MAP2K6: variants seen among roughly 807,000 people sequenced by gnomAD.
MAP2K6 encodes the protein mitogen-activated protein kinase kinase 6, also known as dual specificity mitogen-activated protein kinase kinase 6.
In MAP2K6, 16 loss-of-function variants were observed where a neutral mutation model predicts 53.7. The observed-to-expected ratio is 0.30, with a 90% CI of 0.20 to 0.45. The LOEUF is 0.45. Among genes scored for constraint, MAP2K6 ranks in the 20% least tolerant of loss-of-function variants. MAP2K6 has a pLI of 1.00. For synonymous variants in MAP2K6, 132 were observed against 143.1 expected (o/e 0.92, Z 0.55); for missense variants, 204 against 411.9 (o/e 0.50, Z 4.37).
chr17:69,430,751 A>G (rs1259254923), intron 1 of MAP2K6, among the ~76,000 whole-genome samples: 2 of 152,204 alleles, frequency 1.3e-5, no homozygotes, highest in African/African-American at 2.4e-5. Flanking sequence ...TTCGTTTAAG[A>G]CAGAAACCAG....
chr17:69,507,592 GA>G (rs148484158), intron 2 of MAP2K6, among the ~76,000 whole-genome samples: 4,531 of 151,910 alleles, frequency 0.03, 217 homozygotes, highest in African/African-American at 0.1. Flanking sequence ...CTCTTTTTGA[GA>G]TTTTTTTTTG....
At chr17:69,488,946 T>C (rs1908645826) in intron 1 of MAP2K6, among the ~76,000 whole-genome samples, 1 of 151,340 alleles carries the variant, frequency 6.6e-6, no homozygotes, top group Non-Finnish European at 1.5e-5. Context: ...TAAGGCTGAG[T>C]GTGGTGGCTC....
intron 1 of MAP2K6, among the ~76,000 whole-genome samples, chr17:69,439,656 C>T (rs1906755926): frequency 6.6e-6 from 1 of 152,178 alleles, no homozygotes; most frequent in Non-Finnish European, 1.5e-5. Flanking sequence ...TATCTTTGCT[C>T]TCTGTGCACC....
intron 1 of MAP2K6, among the ~76,000 whole-genome samples, chr17:69,427,010 G>T (rs527445502): frequency 5.3e-5 from 8 of 152,246 alleles, no homozygotes; most frequent in African/African-American, 1.7e-4. Context: ...GAGGTTAATA[G>T]TTAAACAAGT....
intron 9 of MAP2K6, among the ~76,000 whole-genome samples, chr17:69,525,862 G>A (rs1910745257): frequency 6.6e-6 from 1 of 152,128 alleles, no homozygotes; most frequent in Non-Finnish European, 1.5e-5. Context: ...ATAACCAATA[G>A]GATGATTTCC....
intron 1 of MAP2K6, among the ~76,000 whole-genome samples, chr17:69,432,910 G>C (rs1906513594): frequency 6.6e-6 from 1 of 151,590 alleles, no homozygotes; most frequent in South Asian, 2.1e-4. Context: ...TATACACTAT[G>C]ATTTGTTCTG....
intron 1 of MAP2K6, among the ~76,000 whole-genome samples, chr17:69,420,430 T>A (rs1288730958): frequency 6.6e-6 from 1 of 152,174 alleles, no homozygotes; most frequent in Non-Finnish European, 1.5e-5. Flanking sequence ...TTAAGATTCT[T>A]GTTAAGAATC....
At chr17:69,461,706 C>T (rs1291555802) in intron 1 of MAP2K6, among the ~76,000 whole-genome samples, 1 of 152,120 alleles carries the variant, frequency 6.6e-6, no homozygotes, top group Admixed American at 6.5e-5. Flanking sequence ...CCCTTGCTCA[C>T]GGAGGTCATC....
chr17:69,423,873 T>C (rs1328977557), intron 1 of MAP2K6, among the ~76,000 whole-genome samples: 1 of 152,244 alleles, frequency 6.6e-6, no homozygotes, highest in African/African-American at 2.4e-5. Context: ...AAGTATTAGG[T>C]TGGTGCAAAA....
chr17:69,439,175 T>G (rs977922900), intron 1 of MAP2K6, among the ~76,000 whole-genome samples: 9 of 152,234 alleles, frequency 5.9e-5, no homozygotes, highest in African/African-American at 2.2e-4. Context: ...CCCTTTCAAC[T>G]TAAATGTTCT....
intron 10 of MAP2K6, among the ~76,000 whole-genome samples, chr17:69,533,653 A>C (rs1438557097): frequency 6.6e-6 from 1 of 151,086 alleles, no homozygotes; most frequent in African/African-American, 2.4e-5. Flanking sequence ...AGCGTGTTAC[A>C]TTGTTCCAGC....
At position 69,439,162 on chromosome 17, in the gene MAP2K6, G is replaced by A. The variant is rs565882499; in HGVS notation, c.16+24162G>A. Reference sequence around the variant, plus strand: ...AGAGAAAGAATTAAGTCATTCCTCAGGTCCCTTTCAACTTAAATGTTCTGA... The same window carrying A: ...AGAGAAAGAATTAAGTCATTCCTCAAGTCCCTTTCAACTTAAATGTTCTGA... On this transcript the variant is annotated intron_variant, in intron 1 of 11. Transcript: ENST00000590474. Among the ~76,000 whole-genome samples the A allele has an allele frequency of 9.7e-4, 147 of 152,274 alleles. 4 individuals carry two copies. In the South Asian group the frequency reaches 0.029, roughly 30 times the overall value.
At chr17:69,534,329 C>T (rs1911243323) in intron 10 of MAP2K6, among the ~76,000 whole-genome samples, 1 of 152,188 alleles carries the variant, frequency 6.6e-6, no homozygotes, top group Non-Finnish European at 1.5e-5. Context: ...GTTAATTCCT[C>T]TTTCTAATGC....
chr17:69,423,204 A>G (rs115214677), intron 1 of MAP2K6, among the ~76,000 whole-genome samples: 2,291 of 152,258 alleles, frequency 0.015, 59 homozygotes, highest in African/African-American at 0.052. Context: ...GTTTTTAAGT[A>G]TAGCCCGTGA....
intron 1 of MAP2K6, among the ~76,000 whole-genome samples, chr17:69,459,953 CCTTT>C (rs1440517606): frequency 3.3e-5 from 5 of 150,810 alleles, no homozygotes; most frequent in Non-Finnish European, 7.4e-5. Context: ...TTCCTTCCTT[CCTTT>C]CCTTCTCCCT....
chr17:69,448,245 T>G (rs1423243923), intron 1 of MAP2K6, among the ~76,000 whole-genome samples: 3 of 35,394 alleles, frequency 8.5e-5, no homozygotes, highest in East Asian at 1.4e-3. Flanking sequence ...TTTGTTTTTG[T>G]TTTTTTTTTT....
intron 10 of MAP2K6, among the ~76,000 whole-genome samples, chr17:69,531,088 TA>T (rs1468919435): frequency 6.6e-6 from 1 of 152,076 alleles, no homozygotes; most frequent in Non-Finnish European, 1.5e-5. Flanking sequence ...ATGTTTTTTA[TA>T]TTTTTATTAT....
intron 1 of MAP2K6, among the ~76,000 whole-genome samples, chr17:69,445,440 G>C (rs537885958): frequency 4.6e-5 from 7 of 152,324 alleles, no homozygotes; most frequent in African/African-American, 1.4e-4. Context: ...GGACAGCCCT[G>C]CCTTGATTTG....
intron 1 of MAP2K6, chr17:69,485,559 A>G (rs1399925802): frequency 9.8e-6 from 6 of 610,128 alleles, no homozygotes; most frequent in Non-Finnish European, 1.2e-5. Flanking sequence ...TCTTGGCTTC[A>G]TGCTGCTTAG....
Sources: gnomAD v4.1 joint callset for allele counts (sites outside exome capture counted in the v4.1 genomes callset) on GRCh38, gnomAD v4.1.1 for gene constraint, MANE v1.5 for transcripts, NCBI Gene and HGNC (gene_info 2026-07-23, HGNC 2026-07-21) for gene names.